Variants in COL1A2 observed in about 807,000 individuals in gnomAD.
COL1A2 encodes collagen alpha-2(I) chain.
COL1A2 carries 49 observed loss-of-function variants against 174.3 expected under a neutral mutation model. The observed-to-expected ratio is 0.28, with a 90% CI of 0.22 to 0.36. The LOEUF (loss-of-function observed/expected upper bound fraction) is 0.36, where lower values mean the gene tolerates loss of function less well. Ranked by LOEUF, COL1A2 falls within the 10% of genes least tolerant of loss-of-function variation. The probability of loss-of-function intolerance (pLI) is 1.00; values close to 1 mark genes in which losing one functional copy is unlikely to be tolerated. For missense variants in COL1A2, 1,438 were observed against 1,822.7 expected, an observed-to-expected ratio of 0.79 and a Z score of 3.84; for synonymous variants, 655 against 606.6, an observed-to-expected ratio of 1.08 and a Z score of -1.17.
rs1182582865 is a variant in COL1A2 at position 94,425,150 on chromosome 7, C to T, written c.2707C>T (p.Pro903Ser). Residue 903 changes from proline (P) to serine (S), a missense_variant, in exon 42 of 52, where the codon CCT (proline) becomes TCT (serine). Physicochemically the swap from Pro to Ser is moderately conservative, Grantham distance 74 (BLOSUM62 -1). Coordinates refer to ENST00000297268, the MANE Select transcript of COL1A2 (RefSeq NM_000089.4). ...TGGTCCTCTTGGCATTGCCGGCCCT[C>T]CTGGGGCCCGTGGTCCTCCTGGTGC... is the stretch of plus-strand genomic sequence containing the variant. The part of the protein sequence containing the change: ...EPGPLGIAGP[P>S]GARGPPGAVG... 3 of 1,614,130 alleles carry T rather than the reference C, an allele frequency of 1.9e-6. No individual in the cohort carries two copies.
chr7:94,410,142 CT>C lies in COL1A2; in HGVS notation c.1036-98del, dbSNP rs1490364904. Reference sequence around the variant, plus strand: ...GGGTACATTTCCTAGAGAACTTGAGCTTCTCTTTACCTTGACCCACAAATAT... The same window carrying C: ...GGGTACATTTCCTAGAGAACTTGAGCTCTCTTTACCTTGACCCACAAATAT... On this transcript the variant is annotated intron_variant, in intron 19 of 51. Coordinates refer to ENST00000297268, the MANE Select transcript of COL1A2 (RefSeq NM_000089.4). 13 of 1,210,054 alleles carry C rather than the reference CT, an allele frequency of 1.1e-5. No homozygotes were observed. The East Asian group carries it at 2.8e-4, about 26-fold the overall frequency. 75.0% of individuals were successfully genotyped at this position (1,210,054 alleles called of 1,614,324 possible). A position where few individuals can be genotyped will look rare whatever the true frequency, so the allele number is the denominator to read the frequency against.
intron 12 of COL1A2, 25 bp downstream of exon 12, chr7:94,406,328 T>C: frequency 1.2e-6 from 2 of 1,611,268 alleles, no homozygotes; most frequent in Non-Finnish European, 1.7e-6. Flanking sequence ...AGAAGCACTG[T>C]TTTTAAGCAC....
Position 94,428,497 on chromosome 7 carries a change from C to T in COL1A2, c.3711+20C>T, listed in dbSNP as rs555027516. 4 of 1,603,278 alleles carry T rather than the reference C, an allele frequency of 2.5e-6. No individual in the cohort carries two copies. The highest frequency in any genetic ancestry group is 2.2e-5 in the South Asian group (2 of 90,782). On this transcript the variant is annotated intron_variant, in intron 50 of 51. Coordinates refer to ENST00000297268, the MANE Select transcript of COL1A2 (RefSeq NM_000089.4). ...AGCCAGGTGAGGAATCCCACAAACACCTCTCCTTCTGCTAAATAATATTTT... is the reference window on the plus strand; with the variant it reads ...AGCCAGGTGAGGAATCCCACAAACATCTCTCCTTCTGCTAAATAATATTTT...
intron 39 of COL1A2, chr7:94,422,572 TA>T (rs56747800): frequency 0.47 from 84,292 of 179,040 alleles, 16,494 homozygotes; most frequent in Admixed American, 0.55. Flanking sequence ...TGGCTTTCTT[TA>T]AAAAAAAAAA....
Position 94,414,181 on chromosome 7 carries a change from G to A in COL1A2, c.1666-41G>A, listed in dbSNP as rs2301643. The A allele has an allele frequency of 0.18, 293,545 of 1,603,114 alleles. 28,298 individuals carry two copies. Among genetic ancestry groups the A allele is most frequent in the Admixed American group, 0.33 (19,550 of 59,864 alleles). Reference sequence around the variant, plus strand: ...TCAATTATTAGCAAATCTCCTGAACGTAGCCATGGGATTGAGATTTGTATT... The same window carrying A: ...TCAATTATTAGCAAATCTCCTGAACATAGCCATGGGATTGAGATTTGTATT... On this transcript the variant is annotated intron_variant, in intron 28 of 51. Coordinates refer to ENST00000297268, the MANE Select transcript of COL1A2 (RefSeq NM_000089.4).
chr7:94,412,438 A>G, intron 24 of COL1A2, 146 bp from the exon 25 acceptor site: 1 of 707,798 alleles, frequency 1.4e-6, no homozygotes, highest in Non-Finnish European at 2.4e-6. Flanking sequence ...TTAGAAAAGG[A>G]AAATGGATTC....
intron 49 of COL1A2, among the ~76,000 whole-genome samples, 174 bp from the exon 50 acceptor site, chr7:94,428,119 G>A (rs1584331711): frequency 6.6e-6 from 1 of 152,108 alleles, no homozygotes; most frequent in African/African-American, 2.4e-5. Flanking sequence ...TTTCATGGAG[G>A]AGGGGAGGGA....
Position 94,408,813 on chromosome 7 carries a change from C to T in COL1A2, c.782C>T (p.Pro261Leu). ...GGCCCTCCAGGCTTCCCAGGTGCCC[C>T]TGGCCCCAAGGTAAAAACACTGGTG... ...SAGPPGFPGA[P>L]GPKGEIGAVG... The change falls in exon 16 of 52, where the codon CCT becomes CTT. Residue 261 changes from proline to leucine, a missense_variant. By Grantham distance (98) the Pro-to-Leu change is moderately conservative. Coordinates refer to ENST00000297268, the MANE Select transcript of COL1A2 (RefSeq NM_000089.4). 6.2e-7 allele frequency: 1 copy of T among 1,614,186 alleles called. No homozygotes were observed. The highest frequency in any genetic ancestry group is 8.5e-7 in the Non-Finnish European group (1 of 1,180,030).
At chr7:94,411,283 A>G (rs1490456713) in intron 23 of COL1A2, 129 bp downstream of exon 23, 7 of 773,378 alleles carry the variant, frequency 9.1e-6, no homozygotes, top group Middle Eastern at 3.5e-4. Context: ...TGACAGTTGC[A>G]TTTTTGACTT....
In COL1A2 at chr7:94,428,296, A is replaced by T; in HGVS notation, c.3530A>T (p.Tyr1177Phe). 1 of 1,611,640 alleles carries T rather than the reference A, an allele frequency of 6.2e-7. No homozygotes were observed. Among genetic ancestry groups the T allele is most frequent in the Non-Finnish European group, 8.5e-7 (1 of 1,177,758 alleles). ...CTGAATGTTATTTTCTTAAAAGGTT[A>T]CTACTGGATTGACCCTAACCAAGGA... ...RLSHPEWSSG[Y>F]YWIDPNQGCT... The change falls in exon 50 of 52, where the codon TAC (tyrosine) becomes TTC (phenylalanine). Residue 1177 changes from tyrosine (Y) to phenylalanine (F), a missense_variant. Tyr to Phe is a conservative substitution (Grantham distance 22). Coordinates refer to ENST00000297268, the MANE Select transcript of COL1A2 (RefSeq NM_000089.4).
intron 24 of COL1A2, 119 bp downstream of exon 24, chr7:94,412,240 A>G: frequency 2.3e-6 from 2 of 870,316 alleles, no homozygotes; most frequent in Non-Finnish European, 3.8e-6. Context: ...CACATACATC[A>G]TCTGGGAATG....
chr7:94,420,697 T>C, intron 37 of COL1A2, 49 bp downstream of exon 37: 1 of 1,472,998 alleles, frequency 6.8e-7, no homozygotes, highest in Non-Finnish European at 9.3e-7. Context: ...CATTAGATCT[T>C]CCAATTAAAT....
At chr7:94,416,590 T>C (rs556657943) in intron 31 of COL1A2, 87 bp downstream of exon 31, 2 of 1,072,128 alleles carry the variant, frequency 1.9e-6, no homozygotes, top group East Asian at 2.6e-5. Flanking sequence ...TAATTGTTTT[T>C]CAGATTTTTA....
chr7:94,398,080 C>T (rs1187055509), intron 2 of COL1A2, among the ~76,000 whole-genome samples: 2 of 152,224 alleles, frequency 1.3e-5, no homozygotes, highest in East Asian at 3.9e-4. Context: ...AGAATCTTTT[C>T]ACTCCTTTGG....
In COL1A2 at chr7:94,428,399, C is replaced by T; in HGVS notation, c.3633C>T (p.Ile1211=). 6.2e-7 allele frequency: 1 copy of T among 1,614,114 alleles called. No individual in the cohort carries two copies. Among genetic ancestry groups the T allele is most frequent in the Non-Finnish European group, 8.5e-7 (1 of 1,179,986 alleles). ...GTATCCGGGCCCAACCTGAAAACAT[C>T]CCAGCCAAGAACTGGTATAGGAGCT... The part of the protein sequence containing the change: ...ETCIRAQPEN[I]PAKNWYRSSK... Residue 1211 remains isoleucine, a synonymous_variant, in exon 50 of 52, where the codon ATC becomes ATT. Coordinates refer to ENST00000297268, the MANE Select transcript of COL1A2 (RefSeq NM_000089.4).
chr7:94,426,195 A>T (rs1017366023), intron 45 of COL1A2, 144 bp downstream of exon 45: 1 of 882,434 alleles, frequency 1.1e-6, no homozygotes. Context: ...GATACAAATA[A>T]CTTGAGCTAT....
chr7:94,426,383 T>A (rs1281871445), intron 45 of COL1A2, 40 bp from the exon 46 acceptor site: 33 of 1,530,856 alleles, frequency 2.2e-5, no homozygotes, highest in Non-Finnish European at 2.6e-5. Flanking sequence ...GCCATTTTTT[T>A]AAAACGGTAA....
Position 94,420,488 on chromosome 7 carries a change from T to G in COL1A2, c.2187+44T>G, listed in dbSNP as rs755075765. On this transcript the variant is annotated intron_variant, in intron 36 of 51. Transcript: ENST00000297268. ...AGATTAATCTGAAAACATCCTAAGT[T>G]GGGGAGTAGAGTGGGTCGGAATACC... The G allele has an allele frequency of 2.5e-6, 4 of 1,614,046 alleles. No individual in the cohort carries two copies. The South Asian group carries it at 4.4e-5, about 18-fold the overall frequency.
Position 94,420,424 on chromosome 7 carries a change from A to C in COL1A2, c.2167A>C (p.Asn723His). The change falls in exon 36 of 52, where the codon AAT (asparagine) becomes CAT (histidine). Residue 723 changes from asparagine (N) to histidine (H), a missense_variant. Asn to His is a moderately conservative substitution (Grantham distance 68, BLOSUM62 1). Transcript: ENST00000297268. ...ERGEVGPAGPNGFAGPAGAAG... is the reference protein window; with the variant it reads ...ERGEVGPAGPHGFAGPAGAAG... ...TGGTGAGGTCGGTCCTGCTGGCCCCAATGGATTTGCTGGTCCTGCTGTGAG... is the reference window on the plus strand; with the variant it reads ...TGGTGAGGTCGGTCCTGCTGGCCCCCATGGATTTGCTGGTCCTGCTGTGAG... The C allele has an allele frequency of 6.2e-7, 1 of 1,614,050 alleles. No individual in the cohort carries two copies.
Sources: gnomAD v4.1 joint callset for allele counts (sites outside exome capture counted in the v4.1 genomes callset) on GRCh38, gnomAD v4.1.1 for gene constraint, MANE v1.5 for transcripts, NCBI Gene and HGNC (gene_info 2026-07-23, HGNC 2026-07-21) for gene names.